Variants in SFMBT2 observed in about 807,000 individuals in gnomAD.
The protein encoded by SFMBT2 is scm-like with four MBT domains protein 2.
Under a neutral mutation model 110.1 loss-of-function variants are expected in SFMBT2, and 38 were observed. The observed-to-expected ratio is 0.35, with a 90% CI of 0.27 to 0.45. The LOEUF (loss-of-function observed/expected upper bound fraction) is 0.45. SFMBT2 is among the 20% of genes least tolerant of loss of function. SFMBT2 has a pLI of 1.00. For synonymous variants in SFMBT2, 425 were observed against 425.4 expected (o/e 1.00, Z 0.01); for missense variants, 1,011 against 1,094.9 (o/e 0.92, Z 1.08).
intron 16 of SFMBT2, among the ~76,000 whole-genome samples, chr10:7,186,100 T>C (rs553293891): frequency 1.6e-4 from 24 of 152,136 alleles, no homozygotes; most frequent in Non-Finnish European, 3.4e-4. Context: ...GGTTGTTGGA[T>C]AAATAGGGGA....
chr10:7,217,269 A>C (rs953380786), intron 11 of SFMBT2, among the ~76,000 whole-genome samples: 1 of 152,212 alleles, frequency 6.6e-6, no homozygotes, highest in East Asian at 1.9e-4. Flanking sequence ...ATAACTGTGT[A>C]AATAAACTTT....
chr10:7,260,079 C>G (rs1427317804), intron 7 of SFMBT2, among the ~76,000 whole-genome samples: 1 of 152,192 alleles, frequency 6.6e-6, no homozygotes, highest in African/African-American at 2.4e-5. Context: ...AGGACAATAA[C>G]AATAACTCAA....
Position 7,202,673 on chromosome 10 carries a change from C to T in SFMBT2, c.1445-151G>A, listed in dbSNP as rs569107869. On this transcript the variant is annotated intron_variant, in intron 12 of 20. Transcript: ENST00000397167. ...CGTCATTCATGCCACAATTTCCTAT[C>T]AGTTTCTTCTAGCATAGGATAGACG... 257 of 1,518,178 alleles carry T rather than the reference C, an allele frequency of 1.7e-4. 2 individuals carry two copies. In the African/African-American group the frequency reaches 2.9e-3, roughly 17 times the overall value. The allele number at this position is 1,518,178 out of a possible 1,614,324, so 94.0% of individuals were successfully genotyped here.
At chr10:7,286,407 TA>T in intron 4 of SFMBT2, 1 of 972,628 alleles carries the variant, frequency 1.0e-6, no homozygotes, top group Non-Finnish European at 1.2e-6. Flanking sequence ...GGGCACAAAA[TA>T]ACAAGAGGGG....
At chr10:7,400,149 C>T (rs1846034023) in intron 1 of SFMBT2, among the ~76,000 whole-genome samples, 3 of 152,160 alleles carry the variant, frequency 2.0e-5, no homozygotes, top group Non-Finnish European at 2.9e-5. Flanking sequence ...CCAGTTGACA[C>T]GTGGCCCTGA....
chr10:7,249,645 A>G (rs1404069034), intron 7 of SFMBT2: 6 of 693,016 alleles, frequency 8.7e-6, no homozygotes, highest in Non-Finnish European at 1.1e-5. Context: ...GCCACTCTAT[A>G]TCCAACTCTG....
At chr10:7,329,992 G>A (rs1311021721) in intron 4 of SFMBT2, among the ~76,000 whole-genome samples, 1 of 152,174 alleles carries the variant, frequency 6.6e-6, no homozygotes, top group Non-Finnish European at 1.5e-5. Context: ...CATGGTTACA[G>A]GCCTCAGAAA....
chr10:7,273,277 A>AC (rs1841658401), intron 7 of SFMBT2, among the ~76,000 whole-genome samples: 1 of 152,204 alleles, frequency 6.6e-6, no homozygotes, highest in African/African-American at 2.4e-5. Flanking sequence ...CCAGACCAAG[A>AC]TTGTTAACAA....
intron 4 of SFMBT2, among the ~76,000 whole-genome samples, chr10:7,342,692 C>T (rs999548691): frequency 3.3e-5 from 5 of 151,876 alleles, no homozygotes; most frequent in Admixed American, 6.6e-5. Flanking sequence ...CCACCACGCC[C>T]GGCCTGGAGT....
At chr10:7,275,970 A>G (rs1381778484) in intron 7 of SFMBT2, among the ~76,000 whole-genome samples, 2 of 152,224 alleles carry the variant, frequency 1.3e-5, no homozygotes, top group Admixed American at 6.5e-5. Context: ...TCACAACCAC[A>G]TTGAGAACTG....
At chr10:7,303,027 C>T (rs1050646203) in intron 4 of SFMBT2, among the ~76,000 whole-genome samples, 1 of 150,780 alleles carries the variant, frequency 6.6e-6, no homozygotes, top group Non-Finnish European at 1.5e-5. Flanking sequence ...AAAAAAAATG[C>T]TGCACCTGTA....
chr10:7,288,602 T>C (rs61834654), intron 4 of SFMBT2, among the ~76,000 whole-genome samples: 23,176 of 152,138 alleles, frequency 0.15, 2,060 homozygotes, highest in African/African-American at 0.25. Flanking sequence ...AAACAAGATA[T>C]ACAAGCCAAA....
At chr10:7,248,518 T>C in intron 8 of SFMBT2, 30 bp downstream of exon 8, 1 of 1,578,342 alleles carries the variant, frequency 6.3e-7, no homozygotes, top group Non-Finnish European at 8.7e-7. Flanking sequence ...CTCTAGGGGC[T>C]GGGTCGAAGA....
chr10:7,402,112 T>TA (rs76629935), intron 1 of SFMBT2, among the ~76,000 whole-genome samples: 1,309 of 125,408 alleles, frequency 0.01, 22 homozygotes, highest in African/African-American at 0.03. Context: ...TATTTAACAT[T>TA]AAAAAAAAAA....
intron 1 of SFMBT2, among the ~76,000 whole-genome samples, chr10:7,386,590 G>C (rs140173688): frequency 6.6e-6 from 1 of 151,640 alleles, no homozygotes; most frequent in Non-Finnish European, 1.5e-5. Flanking sequence ...CCTAGGAGTC[G>C]GAGCAAAAAA....
chr10:7,220,339 T>C lies in SFMBT2; in HGVS notation c.1330+72A>G. 2.3e-6 allele frequency: 3 copies of C among 1,323,218 alleles called. No individual in the cohort carries two copies. The Admixed American group carries it at 5.8e-5, about 26-fold the overall frequency. The allele number at this position is 1,323,218 out of a possible 1,614,324, so 82.0% of individuals were successfully genotyped here. A position where few individuals can be genotyped will look rare whatever the true frequency, so the allele number is the denominator to read the frequency against. ...AAGGCCCCTTCTGAGAAGGGCTGCTTTCCTCCACACGTTGCCATTTCGACA... is the reference window on the plus strand; with the variant it reads ...AAGGCCCCTTCTGAGAAGGGCTGCTCTCCTCCACACGTTGCCATTTCGACA... On this transcript the variant is annotated intron_variant, in intron 11 of 20. Coordinates refer to ENST00000397167, the MANE Select transcript of SFMBT2 (RefSeq NM_001387889.1).
At chr10:7,337,424 C>G (rs1040351799) in intron 4 of SFMBT2, among the ~76,000 whole-genome samples, 1 of 152,208 alleles carries the variant, frequency 6.6e-6, no homozygotes. Flanking sequence ...TGAGAAGTGA[C>G]TGGATCGTGC....
At chr10:7,246,251 C>A (rs2131726541) in intron 8 of SFMBT2, 1 of 760,476 alleles carries the variant, frequency 1.3e-6, no homozygotes, top group Non-Finnish European at 1.6e-6. Context: ...TACTTTCTCC[C>A]TCCCCTCAAT....
intron 4 of SFMBT2, among the ~76,000 whole-genome samples, chr10:7,290,212 G>A (rs186689406): frequency 3.3e-5 from 5 of 150,882 alleles, no homozygotes; most frequent in Admixed American, 6.6e-5. Flanking sequence ...GGTAATCATC[G>A]CTCATGCTTT....
Sources: gnomAD v4.1 joint callset for allele counts (sites outside exome capture counted in the v4.1 genomes callset) on GRCh38, gnomAD v4.1.1 for gene constraint, MANE v1.5 for transcripts, NCBI Gene and HGNC (gene_info 2026-07-23, HGNC 2026-07-21) for gene names.